Variants in DPP6 observed in about 807,000 individuals in gnomAD.
The protein encoded by DPP6 is A-type potassium channel modulatory protein DPP6.
Under a neutral mutation model 122.6 loss-of-function variants are expected in DPP6, and 69 were observed. That is an observed-to-expected ratio of 0.56 (90% confidence interval 0.46 to 0.69). The LOEUF is 0.69. Among genes scored for constraint, DPP6 ranks in the 30% least tolerant of loss-of-function variants. The pLI is 0.00. For synonymous variants in DPP6, 418 were observed against 433.1 expected, an observed-to-expected ratio of 0.97 and a Z score of 0.43; for missense variants, 928 against 1,116.9, an observed-to-expected ratio of 0.83 and a Z score of 2.41.
At chr7:154,562,579 C>T (rs1361356804) in intron 4 of DPP6, among the ~76,000 whole-genome samples, 1 of 152,090 alleles carries the variant, frequency 6.6e-6, no homozygotes, top group East Asian at 1.9e-4. Context: ...CAGCATTATA[C>T]TAGCAGTTCT....
At chr7:153,846,313 G>A in the DPP6 span, among the ~76,000 whole-genome samples, 2 of 152,072 alleles carry the variant, frequency 1.3e-5, no homozygotes, top group South Asian at 4.1e-4. Flanking sequence ...CTTATTGGTT[G>A]ATTTATCTTT....
At chr7:154,617,139 C>T (rs1370681131) in intron 5 of DPP6, among the ~76,000 whole-genome samples, 1 of 152,100 alleles carries the variant, frequency 6.6e-6, no homozygotes, top group Non-Finnish European at 1.5e-5. Context: ...ATATACTTAC[C>T]AAGCCTTGGA....
intron 5 of DPP6, among the ~76,000 whole-genome samples, chr7:154,627,419 C>T (rs1269859227): frequency 1.3e-5 from 2 of 151,350 alleles, no homozygotes; most frequent in African/African-American, 2.4e-5. Flanking sequence ...AGGCTGGTCT[C>T]GATCTCTTGA....
chr7:154,530,229 T>A (rs2130102251), intron 3 of DPP6, among the ~76,000 whole-genome samples: 1 of 152,160 alleles, frequency 6.6e-6, no homozygotes, highest in Non-Finnish European at 1.5e-5. Flanking sequence ...GAGATATCCA[T>A]CTGCCCAATT....
At chr7:154,506,296 C>A (rs757442598) in intron 3 of DPP6, among the ~76,000 whole-genome samples, 1 of 151,622 alleles carries the variant, frequency 6.6e-6, no homozygotes, top group African/African-American at 2.4e-5. Context: ...GGATGATATT[C>A]TTATCCCTTT....
chr7:153,799,176 G>A, the DPP6 span, among the ~76,000 whole-genome samples: 1 of 152,166 alleles, frequency 6.6e-6, no homozygotes. Flanking sequence ...GAATGAAGAT[G>A]TTCAATTCTT....
chr7:153,918,445 C>T (rs1800423564), intron 1 of DPP6, among the ~76,000 whole-genome samples: 1 of 134,026 alleles, frequency 7.5e-6, no homozygotes, highest in African/African-American at 2.7e-5. Flanking sequence ...CACACACACA[C>T]ACACACACAC....
intron 3 of DPP6, among the ~76,000 whole-genome samples, chr7:154,495,482 C>A (rs1419188315): frequency 6.6e-6 from 1 of 151,892 alleles, no homozygotes; most frequent in Non-Finnish European, 1.5e-5. Flanking sequence ...CTCCACTTCC[C>A]AGGTTCAAAC....
intron 1 of DPP6, among the ~76,000 whole-genome samples, chr7:154,024,446 T>C (rs75005526): frequency 6.6e-6 from 1 of 152,106 alleles, no homozygotes; most frequent in African/African-American, 2.4e-5. Context: ...GTTTTTTTTT[T>C]CCTGTTATGT....
intron 1 of DPP6, among the ~76,000 whole-genome samples, chr7:154,341,354 A>G (rs557224279): frequency 6.6e-6 from 1 of 152,044 alleles, no homozygotes; most frequent in South Asian, 2.1e-4. Flanking sequence ...AGAGGTGGTT[A>G]TGTAGGACTC....
intron 1 of DPP6, among the ~76,000 whole-genome samples, chr7:153,899,168 TCTTC>T (rs2128997456): frequency 6.6e-6 from 1 of 152,020 alleles, no homozygotes; most frequent in South Asian, 2.1e-4. Flanking sequence ...CTCCTCCTCT[TCTTC>T]CTTCTCCTCT....
At chr7:154,594,224 A>G (rs889867421) in intron 5 of DPP6, among the ~76,000 whole-genome samples, 16 of 152,200 alleles carry the variant, frequency 1.1e-4, no homozygotes, top group African/African-American at 3.9e-4. Flanking sequence ...GGAAACTTTC[A>G]TGTTGTAAAA....
rs879713730 is a variant in DPP6 at position 153,902,927 on chromosome 7, GAAGT to G, written c.51+15198_51+15201del. Among the ~76,000 whole-genome samples the G allele has an allele frequency of 2.0e-5, 3 of 152,302 alleles. No homozygotes were observed. The South Asian group carries it at 6.2e-4, about 32-fold the overall frequency. On this transcript the variant is annotated intron_variant, in intron 1 of 25. Coordinates refer to the DPP6 transcript ENST00000404039. ...CTTTCCTCCTGATTTTCAACAGGAAGAAGTAAGTGTCTTATTTCTAGCTTGTATT... is the reference window on the plus strand; with the variant it reads ...CTTTCCTCCTGATTTTCAACAGGAAGAAGTGTCTTATTTCTAGCTTGTATT...
chr7:154,293,764 G>A (rs1034171640), intron 1 of DPP6, among the ~76,000 whole-genome samples: 2 of 152,192 alleles, frequency 1.3e-5, no homozygotes, highest in African/African-American at 2.4e-5. Flanking sequence ...ATGATGAGTT[G>A]CCTAAAATGA....
intron 7 of DPP6, among the ~76,000 whole-genome samples, chr7:154,690,809 C>G (rs554099139): frequency 4.7e-4 from 72 of 152,302 alleles, no homozygotes; most frequent in African/African-American, 1.7e-3. Flanking sequence ...TTGCCCTGAT[C>G]ACTTCATCCT....
At chr7:154,708,426 G>A (rs772006448) in intron 7 of DPP6, among the ~76,000 whole-genome samples, 1 of 152,210 alleles carries the variant, frequency 6.6e-6, no homozygotes, top group Non-Finnish European at 1.5e-5. Context: ...GGTGTCATTA[G>A]TGTTCAGTCT....
At chr7:154,879,405 C>T (rs1161587737) in intron 20 of DPP6, among the ~76,000 whole-genome samples, 1 of 109,772 alleles carries the variant, frequency 9.1e-6, no homozygotes, top group African/African-American at 4.3e-5. Context: ...ACGGTGAAAC[C>T]CCGTCTCTAC....
intron 5 of DPP6, among the ~76,000 whole-genome samples, chr7:154,623,701 A>G (rs1586756228): frequency 6.6e-6 from 1 of 152,340 alleles, no homozygotes; most frequent in East Asian, 1.9e-4. Context: ...AGAGTCATTC[A>G]GGAAAAACAA....
intron 5 of DPP6, among the ~76,000 whole-genome samples, chr7:154,580,200 TAC>T (rs58480934): frequency 0.012 from 1,496 of 124,608 alleles, 24 homozygotes; most frequent in African/African-American, 0.043. Context: ...CCCTCCCCCT[TAC>T]ACACACACAC....
Sources: allele counts gnomAD v4.1 joint callset (sites outside exome capture counted in the v4.1 genomes callset), GRCh38; gene constraint gnomAD v4.1.1; transcripts MANE v1.5; gene names NCBI Gene and HGNC (gene_info 2026-07-23, HGNC 2026-07-21).